The following HDGFL3 variants were observed in gnomAD, a reference collection of about 807,000 sequenced individuals.
HDGFL3 encodes the protein hepatoma-derived growth factor-related protein 3.
A neutral mutation model predicts 27.6 loss-of-function variants in HDGFL3; 6 were observed. That is an observed-to-expected ratio of 0.22 (90% confidence interval 0.12 to 0.43). The LOEUF is 0.43. Among genes scored for constraint, HDGFL3 ranks in the 20% least tolerant of loss-of-function variants. The pLI, the probability that HDGFL3 is intolerant of heterozygous loss-of-function variation, is 1.00. For missense variants in HDGFL3, 207 were observed against 250.1 expected (o/e 0.83, Z 1.16); for synonymous variants, 88 against 88.9 (o/e 0.99, Z 0.05).
intron 4 of HDGFL3, among the ~76,000 whole-genome samples, chr15:83,153,771 G>C (rs1369027653): frequency 6.6e-6 from 1 of 152,102 alleles, no homozygotes; most frequent in African/African-American, 2.4e-5. Context: ...TCCAGTATCT[G>C]CTATGACTCA....
intron 1 of HDGFL3, among the ~76,000 whole-genome samples, chr15:83,170,108 A>G (rs919091339): frequency 7.2e-5 from 11 of 152,204 alleles, no homozygotes; most frequent in Admixed American, 6.5e-5. Flanking sequence ...ATGTTCCTGC[A>G]CTGGAATAAT....
chr15:83,191,366 A>G (rs554109974), intron 1 of HDGFL3, among the ~76,000 whole-genome samples: 2 of 152,360 alleles, frequency 1.3e-5, no homozygotes, highest in Admixed American at 1.3e-4. Context: ...AAATATATGT[A>G]CAGAAAATTA....
chr15:83,116,791 A>G (rs1419579212), intron 3 of HDGFL3, among the ~76,000 whole-genome samples: 2 of 152,196 alleles, frequency 1.3e-5, no homozygotes, highest in Non-Finnish European at 2.9e-5. Context: ...GCTGGAATGA[A>G]TAAGACTTGG....
chr15:83,143,318 C>T (rs960771110), intron 5 of HDGFL3, among the ~76,000 whole-genome samples: 1 of 152,160 alleles, frequency 6.6e-6, no homozygotes, highest in Non-Finnish European at 1.5e-5. Flanking sequence ...GGTGCAGTGA[C>T]TCACGCCTGT....
At chr15:83,179,526 T>A (rs2037353801) in intron 1 of HDGFL3, among the ~76,000 whole-genome samples, 1 of 152,162 alleles carries the variant, frequency 6.6e-6, no homozygotes, top group Non-Finnish European at 1.5e-5. Flanking sequence ...TGAGAAGTCC[T>A]AAGAACCAGA....
intron 2 of HDGFL3, among the ~76,000 whole-genome samples, chr15:83,160,523 G>C (rs971385094): frequency 1.4e-5 from 2 of 139,530 alleles, no homozygotes; most frequent in South Asian, 5.1e-4. Context: ...GAAGGAGTTG[G>C]TATTTACCGA....
intron 3 of HDGFL3, among the ~76,000 whole-genome samples, chr15:83,122,399 A>G (rs777745937): frequency 1.3e-4 from 20 of 150,598 alleles, no homozygotes; most frequent in Middle Eastern, 3.5e-3. Flanking sequence ...ATATAGGTAG[A>G]TAGATAGATA....
In HDGFL3 at chr15:83,129,450, C is replaced by T. The variant is rs2036049604; in HGVS notation, c.*9820G>A. 1.3e-5 allele frequency: 2 copies of T among 152,250 alleles called. No homozygotes were observed. Among genetic ancestry groups the T allele is most frequent in the Non-Finnish European group, 1.5e-5 (1 of 68,022 alleles). 9.4% of individuals were successfully genotyped at this position (152,250 alleles called of 1,614,324 possible). A position where few individuals can be genotyped will look rare whatever the true frequency, so the allele number is the denominator to read the frequency against. Reference sequence around the variant, plus strand: ...TTCCTGCCTGCCTCAGAATAAACAGCACAATGGACACATAATAATATCTTT... The same window carrying T: ...TTCCTGCCTGCCTCAGAATAAACAGTACAATGGACACATAATAATATCTTT... On this transcript the variant is annotated 3_prime_UTR_variant, in exon 6 of 6. Transcript: ENST00000299633.
At chr15:83,198,920 C>T (rs1274260212) in intron 1 of HDGFL3, among the ~76,000 whole-genome samples, 4 of 152,238 alleles carry the variant, frequency 2.6e-5, no homozygotes, top group Middle Eastern at 3.4e-3. Context: ...AGGGGACAAA[C>T]GGATCATATA....
downstream of HDGFL3, among the ~76,000 whole-genome samples, chr15:83,125,334 A>C (rs762693062): frequency 6.6e-6 from 1 of 151,994 alleles, no homozygotes; most frequent in Admixed American, 6.6e-5. Context: ...CATGTTTTCT[A>C]TTTTCTCTTT....
chr15:83,123,042 G>A (rs547615003), downstream of HDGFL3, among the ~76,000 whole-genome samples: 4 of 152,350 alleles, frequency 2.6e-5, no homozygotes, highest in Admixed American at 6.5e-5. Context: ...ATTAATTAAT[G>A]TAGGCAAGAA....
intron 1 of HDGFL3, among the ~76,000 whole-genome samples, chr15:83,177,170 C>T (rs1169376102): frequency 2.6e-5 from 4 of 152,186 alleles, no homozygotes; most frequent in East Asian, 1.9e-4. Context: ...CCATCCGCCT[C>T]GGCCTCCCGA....
intron 1 of HDGFL3, among the ~76,000 whole-genome samples, chr15:83,184,098 G>T (rs972916523): frequency 6.6e-6 from 1 of 152,190 alleles, no homozygotes; most frequent in African/African-American, 2.4e-5. Flanking sequence ...CATAACAGTT[G>T]TGCCAATTTG....
At chr15:83,116,457 C>T (rs1437765321) in intron 3 of HDGFL3, among the ~76,000 whole-genome samples, 1 of 152,154 alleles carries the variant, frequency 6.6e-6, no homozygotes, top group Non-Finnish European at 1.5e-5. Context: ...AACCCAGCCC[C>T]AGAGAGGTTA....
Position 83,127,863 on chromosome 15 carries a change from G to T in HDGFL3, c.*11407C>A, listed in dbSNP as rs1168829441. On this transcript the variant is annotated 3_prime_UTR_variant, in exon 6 of 6. Coordinates refer to ENST00000299633, the MANE Select transcript of HDGFL3 (RefSeq NM_016073.4). ...ATGTCCATCCAAATTTAAGACTTCA[G>T]AATTCCACTACGCTATGCTATACAG... 1 of 261,508 alleles carries T rather than the reference G, an allele frequency of 3.8e-6. No homozygotes were observed. 16.2% of individuals were successfully genotyped at this position (261,508 alleles called of 1,614,324 possible). A position where few individuals can be genotyped will look rare whatever the true frequency, so the allele number is the denominator to read the frequency against.
chr15:83,158,284 T>C (rs1596551787), intron 2 of HDGFL3, among the ~76,000 whole-genome samples: 1 of 152,242 alleles, frequency 6.6e-6, no homozygotes, highest in East Asian at 1.9e-4. Flanking sequence ...TACTTTTAAA[T>C]TATCAATATC....
rs911964292 is a variant in HDGFL3, at chr15:83,165,722, G to A, written c.85-1647C>T. Among the ~76,000 whole-genome samples the A allele has an allele frequency of 5.3e-5, 8 of 149,982 alleles. No homozygotes were observed. The East Asian group carries it at 1.4e-3, about 26-fold the overall frequency. The stretch of plus-strand genomic sequence containing the variant: ...AGGCAGGAGAATGGTGTGAACCTGG[G>A]AGGCGGAGCTTACAGTGAGCCGAGA... On this transcript the variant is annotated intron_variant, in intron 1 of 5. Transcript: ENST00000299633.
intron 5 of HDGFL3, among the ~76,000 whole-genome samples, chr15:83,150,701 A>C (rs1045597938): frequency 6.6e-6 from 1 of 152,212 alleles, no homozygotes; most frequent in Admixed American, 6.5e-5. Flanking sequence ...AAGTTAACAA[A>C]GGTTAACAAA....
chr15:83,168,468 C>T (rs2037200592), intron 1 of HDGFL3, among the ~76,000 whole-genome samples: 1 of 152,102 alleles, frequency 6.6e-6, no homozygotes, highest in Admixed American at 6.5e-5. Context: ...ACTAAGGTGA[C>T]ATTATAACCA....
Sources: gnomAD v4.1 joint callset for allele counts (sites outside exome capture counted in the v4.1 genomes callset) on GRCh38, gnomAD v4.1.1 for gene constraint, MANE v1.5 for transcripts, NCBI Gene and HGNC (gene_info 2026-07-23, HGNC 2026-07-21) for gene names.